Variants in NRDC observed in about 807,000 individuals in gnomAD.
The protein encoded by NRDC is nardilysin convertase.
Under a neutral mutation model 147.1 loss-of-function variants are expected in NRDC, and 54 were observed. The ratio of observed to expected loss-of-function variants is 0.37; its 90% confidence interval spans 0.29 to 0.46. NRDC has a LOEUF of 0.46. Ranked by LOEUF, NRDC falls within the 20% of genes least tolerant of loss-of-function variation. NRDC has a pLI of 1.00. For synonymous variants in NRDC, 440 were observed against 482.1 expected, an observed-to-expected ratio of 0.91 and a Z score of 1.14; for missense variants, 1,082 against 1,370.6, an observed-to-expected ratio of 0.79 and a Z score of 3.33.
At chr1:51,849,709 G>A (rs938638971) in intron 1 of NRDC, among the ~76,000 whole-genome samples, 16 of 151,834 alleles carry the variant, frequency 1.1e-4, no homozygotes, top group African/African-American at 9.7e-5. Context: ...CCAGCTACCC[G>A]GGAGGCTGAG....
intron 19 of NRDC, among the ~76,000 whole-genome samples, chr1:51,804,179 T>C (rs1571849309): frequency 6.6e-6 from 1 of 152,246 alleles, no homozygotes; most frequent in South Asian, 2.1e-4. Flanking sequence ...TTTCATGTCA[T>C]GTACACATGC....
intron 1 of NRDC, among the ~76,000 whole-genome samples, chr1:51,873,045 T>C (rs1216909272): frequency 6.6e-6 from 1 of 152,142 alleles, no homozygotes; most frequent in Non-Finnish European, 1.5e-5. Flanking sequence ...TGTGTGTCTG[T>C]GTGTGTGTGA....
chr1:51,840,430 A>G lies in NRDC; in HGVS notation c.426T>C (p.Asp142=). 1 of 1,607,762 alleles carries G rather than the reference A, an allele frequency of 6.2e-7. No individual in the cohort carries two copies. The highest frequency in any genetic ancestry group is 8.5e-7 in the Non-Finnish European group (1 of 1,174,656). The change falls in exon 2 of 31, where the codon GAT becomes GAC. Residue 142 remains aspartate, a synonymous_variant. Coordinates refer to ENST00000352171, the MANE Select transcript of NRDC (RefSeq NM_001101662.2). ...NMEGKTGNTT[D]DEEEEEVEEE... The stretch of plus-strand genomic sequence containing the variant: ...CCTCCACCTCCTCTTCTTCTTCATC[A>G]TCTGTTGTATTTCCTGTTTTACCTT...
chr1:51,836,488 A>G, intron 2 of NRDC: 5 of 1,459,412 alleles, frequency 3.4e-6, no homozygotes, highest in Non-Finnish European at 4.8e-6. Flanking sequence ...GAGGGACTGG[A>G]CAGCCCACCC....
chr1:51,846,112 T>A (rs766204988), intron 1 of NRDC, among the ~76,000 whole-genome samples: 20 of 150,034 alleles, frequency 1.3e-4, no homozygotes, highest in African/African-American at 4.5e-4. Context: ...TTTTACACTT[T>A]ATAATTTTTT....
At chr1:51,824,198 T>C (rs1025243557) in intron 6 of NRDC, among the ~76,000 whole-genome samples, 6 of 150,956 alleles carry the variant, frequency 4.0e-5, no homozygotes, top group African/African-American at 4.9e-5. Context: ...CGATCTTAGC[T>C]CATGGCAACC....
chr1:51,816,503 T>A, intron 10 of NRDC, 114 bp from the exon 11 acceptor site: 1 of 462,890 alleles, frequency 2.2e-6, no homozygotes, highest in Non-Finnish European at 3.9e-6. Flanking sequence ...TATTCTCACA[T>A]ATGTCCACTA....
intron 1 of NRDC, among the ~76,000 whole-genome samples, chr1:51,853,760 T>C (rs905622909): frequency 2.6e-5 from 4 of 152,230 alleles, no homozygotes; most frequent in African/African-American, 4.8e-5. Context: ...GCAATACTTA[T>C]ATAAATGAAT....
chr1:51,798,050 G>A (rs1243501350), intron 22 of NRDC, 199 bp downstream of exon 22: 4 of 523,030 alleles, frequency 7.6e-6, no homozygotes, highest in African/African-American at 3.8e-5. Context: ...AATTACAGGC[G>A]TGAGCCATCA....
chr1:51,802,030 G>A (rs1000316918), intron 20 of NRDC, among the ~76,000 whole-genome samples: 11 of 151,994 alleles, frequency 7.2e-5, no homozygotes, highest in East Asian at 1.9e-4. Context: ...CTCGTGATCC[G>A]CCCGCCTCAG....
chr1:51,845,488 G>T (rs1681510050), intron 1 of NRDC, among the ~76,000 whole-genome samples: 1 of 152,172 alleles, frequency 6.6e-6, no homozygotes, highest in Non-Finnish European at 1.5e-5. Flanking sequence ...AGCTACTCAG[G>T]AAGCTGAAGC....
At chr1:51,795,182 A>C in intron 22 of NRDC, 1 of 1,344,214 alleles carries the variant, frequency 7.4e-7, no homozygotes, top group South Asian at 1.2e-5. Context: ...ACTATGTTTC[A>C]GAATCCTGGG....
rs371537595 is a variant in NRDC, at chr1:51,840,324, A to T, written c.532T>A (p.Phe178Ile). ...AGATCATCATCATGTTCATCATCAA[A>T]CTCATCTTCATCATCAAAACCCTCT... ...DEEGFDDEDE[F>I]DDEHDDDLDT... The change falls in exon 2 of 31, where the codon TTT becomes ATT. Residue 178 changes from phenylalanine (F) to isoleucine (I), a missense_variant. Physicochemically the swap from Phe to Ile is conservative, Grantham distance 21 (BLOSUM62 0). This residue lies in a region of NRDC where 260 missense variants were observed against 253.2 expected (regional missense o/e 1.03). Coordinates refer to ENST00000352171, the MANE Select transcript of NRDC (RefSeq NM_001101662.2). The T allele has an allele frequency of 1.3e-6, 2 of 1,545,400 alleles. No homozygotes were observed. Among genetic ancestry groups the T allele is most frequent in the African/African-American group, 2.7e-5 (2 of 73,500 alleles).
At chr1:51,824,243 A>G (rs1029897253) in intron 6 of NRDC, among the ~76,000 whole-genome samples, 5 of 151,210 alleles carry the variant, frequency 3.3e-5, no homozygotes, top group Admixed American at 6.6e-5. Context: ...CTCCTGCCTC[A>G]GCATCCCAAG....
rs1306203048 is a variant in NRDC at position 51,790,538 on chromosome 1, G to A, written c.3163C>T (p.His1055Tyr). 3 of 1,607,016 alleles carry A rather than the reference G, an allele frequency of 1.9e-6. No homozygotes were observed. The highest frequency in any genetic ancestry group is 1.7e-4 in the Middle Eastern group (1 of 6,046). The change falls in exon 29 of 31, where the codon CAC becomes TAC. Residue 1055 changes from histidine to tyrosine, a missense_variant. Around this residue, in one of 3 missense-constraint regions of NRDC, gnomAD observed 187 missense variants for 193.6 expected, o/e 0.97. Transcript: ENST00000352171. ...TQQYLFDRLA[H>Y]EIEALKSFSK... Reference sequence around the variant, plus strand: ...TACTCTGAAAACCATGTTACCTCGTGGGCAAGGCGGTCAAAGAGGTACTGC... The same window carrying A: ...TACTCTGAAAACCATGTTACCTCGTAGGCAAGGCGGTCAAAGAGGTACTGC...
chr1:51,789,962 C>T, intron 29 of NRDC: 1 of 379,020 alleles, frequency 2.6e-6, no homozygotes, highest in Non-Finnish European at 4.8e-6. Flanking sequence ...TACATGGTAG[C>T]TGCATACCAC....
intron 14 of NRDC, among the ~76,000 whole-genome samples, chr1:51,812,348 C>T (rs757842273): frequency 6.6e-6 from 1 of 152,034 alleles, no homozygotes; most frequent in Admixed American, 6.6e-5. Flanking sequence ...GGCAACATGG[C>T]GAAACCCTGT....
At chr1:51,792,231 A>AT in intron 25 of NRDC, 133 bp from the exon 26 acceptor site, 1 of 1,357,454 alleles carries the variant, frequency 7.4e-7, no homozygotes, top group Non-Finnish European at 1.0e-6. Flanking sequence ...GCCCAGGCTT[A>AT]TACTGGGTGA....
At position 51,789,231 on chromosome 1, in the gene NRDC, T is replaced by TTTA. The variant is rs1293940279; in HGVS notation, c.*2_*4dup. ...TTGCTTCAGGCCAACGTGACTGCAGTTTATTTATTTGACTATTTTATGGTA... is the reference window on the plus strand; with the variant it reads ...TTGCTTCAGGCCAACGTGACTGCAGTTTATTATTTATTTGACTATTTTATGGTA... On this transcript the variant is annotated 3_prime_UTR_variant, in exon 31 of 31. Coordinates refer to ENST00000352171, the MANE Select transcript of NRDC (RefSeq NM_001101662.2). 2.5e-6 allele frequency: 4 copies of TTTA among 1,605,320 alleles called. No individual in the cohort carries two copies. Among genetic ancestry groups the TTTA allele is most frequent in the African/African-American group, 2.9e-5 (2 of 68,242 alleles).
Sources: gnomAD v4.1 joint callset for allele counts (sites outside exome capture counted in the v4.1 genomes callset) on GRCh38, gnomAD v4.1.1 for gene constraint, gnomAD v4.1.1 regional missense constraint, MANE v1.5 for transcripts, NCBI Gene and HGNC (gene_info 2026-07-23, HGNC 2026-07-21) for gene names.